NOTCH1: variants seen among roughly 807,000 people sequenced by gnomAD.
NOTCH1 encodes notch receptor 1.
Under a neutral mutation model 254.8 loss-of-function variants are expected in NOTCH1, and 37 were observed. The observed-to-expected ratio is 0.15, with a 90% CI of 0.11 to 0.19. The LOEUF is 0.19. Among genes scored for constraint, NOTCH1 ranks in the 10% least tolerant of loss-of-function variants. The probability of loss-of-function intolerance (pLI) is 1.00; values close to 1 mark genes in which losing one functional copy is unlikely to be tolerated. For synonymous variants in NOTCH1, 1,731 were observed against 1,618.1 expected (o/e 1.07, Z -1.68); for missense variants, 2,972 against 3,708.6 (o/e 0.80, Z 5.16).
At position 136,511,200 on chromosome 9, in the gene NOTCH1, A is replaced by G. The variant is rs1589063066; in HGVS notation, c.2539T>C (p.Ser847Pro). The G allele has an allele frequency of 6.2e-7, 1 of 1,612,556 alleles. No homozygotes were observed. The stretch of plus-strand genomic sequence containing the variant: ...CAGGAGAAGCTCTCATAGTCCTCGG[A>G]TTGCCTGCACTCCCCGCCGTTTCTG... The part of the protein sequence containing the change: ...PCRNGGECRQ[S>P]EDYESFSCVC... Residue 847 changes from serine (S) to proline (P), a missense_variant, in exon 16 of 34, where the codon TCC becomes CCC. Physicochemically the swap from Ser to Pro is moderately conservative, Grantham distance 74. This residue lies in a region of NOTCH1 where 1,343 missense variants were observed against 1,557.0 expected (regional missense o/e 0.86). Coordinates refer to ENST00000651671, the MANE Select transcript of NOTCH1 (RefSeq NM_017617.5).
intron 2 of NOTCH1, among the ~76,000 whole-genome samples, chr9:136,537,464 G>A (rs1347035299): frequency 6.6e-6 from 1 of 152,152 alleles, no homozygotes; most frequent in Non-Finnish European, 1.5e-5. Context: ...GGGCAGTCAG[G>A]GCAGAGTGAC....
chr9:136,532,508 A>G (rs967615950), intron 2 of NOTCH1, among the ~76,000 whole-genome samples: 1 of 152,142 alleles, frequency 6.6e-6, no homozygotes, highest in Non-Finnish European at 1.5e-5. Flanking sequence ...GGGCCCCCAC[A>G]GCACCAGGAA....
Position 136,517,355 on chromosome 9 carries a change from G to A in NOTCH1, c.1472C>T (p.Thr491Ile), listed in dbSNP as rs755769408. The A allele has an allele frequency of 1.9e-6, 3 of 1,608,182 alleles. No homozygotes were observed. The highest frequency in any genetic ancestry group is 1.7e-4 in the Middle Eastern group (1 of 6,052). ...GCAGGGGCTGCTGGCACACTCGTCT[G>A]TGTTGACCTCGCAGTGCACACCCTC... ...GYEGVHCEVN[T>I]DECASSPCLH... The change falls in exon 9 of 34, where the codon ACA (threonine) becomes ATA (isoleucine). Residue 491 changes from threonine (T) to isoleucine (I), a missense_variant. Physicochemically the swap from Thr to Ile is moderately conservative, Grantham distance 89. This residue lies in a region of NOTCH1 where 128 missense variants were observed against 193.8 expected (regional missense o/e 0.66). Transcript: ENST00000651671.
At chr9:136,529,893 T>C (rs1044391354) in intron 2 of NOTCH1, among the ~76,000 whole-genome samples, 7 of 152,216 alleles carry the variant, frequency 4.6e-5, no homozygotes, top group African/African-American at 1.7e-4. Context: ...GGGGCTGCGA[T>C]GTGGGATGGC....
rs1842890197 is a variant in NOTCH1 at position 136,494,634 on chromosome 9, C to T, written c.*1437G>A. The T allele has an allele frequency of 7.5e-6, 3 of 398,722 alleles. No individual in the cohort carries two copies. Among genetic ancestry groups the T allele is most frequent in the Admixed American group, 8.8e-5 (2 of 22,712 alleles). The allele number at this position is 398,722 out of a possible 1,614,324, so 24.7% of individuals were successfully genotyped here. A position where few individuals can be genotyped will look rare whatever the true frequency, so the allele number is the denominator to read the frequency against. ...GCCCCCTGGGGATGGCACCACGCGG[C>T]CCCCGTAGAGCCGGGGGAGGCTGCC... On this transcript the variant is annotated 3_prime_UTR_variant, in exon 34 of 34. Transcript: ENST00000651671.
rs1162527050 is a variant in NOTCH1 at position 136,501,873 on chromosome 9, G to C, written c.5513C>G (p.Thr1838Arg). The C allele has an allele frequency of 6.2e-7, 1 of 1,612,282 alleles. No homozygotes were observed. The highest frequency in any genetic ancestry group is 1.3e-5 in the African/African-American group (1 of 74,908). Residue 1838 changes from threonine to arginine, a missense_variant, in exon 30 of 34, where the codon ACA (threonine) becomes AGA (arginine). Thr to Arg is a moderately conservative substitution (Grantham distance 71). Coordinates refer to ENST00000651671, the MANE Select transcript of NOTCH1 (RefSeq NM_017617.5). Reference protein sequence around the residue: ...PVVLPDLDDQTDHRQWTQQHL... With the variant: ...PVVLPDLDDQRDHRQWTQQHL... Reference sequence around the variant, plus strand: ...CTGCTGAGTCCACTGCCGGTGGTCTGTCTGGTCGTCCAGGTCAGGCAGAAC... The same window carrying C: ...CTGCTGAGTCCACTGCCGGTGGTCTCTCTGGTCGTCCAGGTCAGGCAGAAC...
intron 16 of NOTCH1, 87 bp downstream of exon 16, chr9:136,511,065 C>CTCA: frequency 6.3e-7 from 1 of 1,594,020 alleles, no homozygotes; most frequent in South Asian, 1.1e-5. Context: ...TCTTCAAAGA[C>CTCA]TCATCTAGCC....
In NOTCH1 at chr9:136,500,769, GCGTCCTCCT is replaced by G. The variant is rs752217257; in HGVS notation, c.5708_5716del (p.Glu1903_Asp1905del). On this transcript the variant is annotated inframe_deletion, in exon 31 of 34. Transcript: ENST00000651671. ...GATGAAGTCGGAGATGACGGCCGGC[GCGTCCTCCT>G]CTTCCTCGCTGTTGCCCGTCTCCAG... is the stretch of plus-strand genomic sequence containing the variant. The G allele has an allele frequency of 6.2e-7, 1 of 1,603,602 alleles. No individual in the cohort carries two copies.
At chr9:136,514,742 A>AG (rs750359076) in intron 12 of NOTCH1, 40 bp from the exon 13 acceptor site, 16 of 1,593,818 alleles carry the variant, frequency 1.0e-5, no homozygotes, top group Middle Eastern at 1.7e-4. Context: ...CCCAGCGCCC[A>AG]GGGGGTCCCA....
rs952471507 is a variant in NOTCH1 at position 136,507,933 on chromosome 9, T to C, written c.3510+22A>G. On this transcript the variant is annotated intron_variant, in intron 21 of 33. Transcript: ENST00000651671. ...GCAACACTCGTGCCGGCCACAACCCTTACCCTAGGAGGGACCCCCACCTTG... is the reference window on the plus strand; with the variant it reads ...GCAACACTCGTGCCGGCCACAACCCCTACCCTAGGAGGGACCCCCACCTTG... 5 of 1,611,262 alleles carry C rather than the reference T, an allele frequency of 3.1e-6. No individual in the cohort carries two copies. The Admixed American group carries it at 8.3e-5, about 27-fold the overall frequency.
intron 2 of NOTCH1, among the ~76,000 whole-genome samples, chr9:136,532,858 G>C (rs915057544): frequency 6.6e-6 from 1 of 152,214 alleles, no homozygotes; most frequent in Non-Finnish European, 1.5e-5. Flanking sequence ...GGAAGGTCTC[G>C]TGGGGGTGGC....
chr9:136,531,772 C>T (rs1034694681), intron 2 of NOTCH1, among the ~76,000 whole-genome samples: 23 of 152,348 alleles, frequency 1.5e-4, no homozygotes, highest in African/African-American at 3.8e-4. Flanking sequence ...CGCCTCCTCC[C>T]GCCTGTCCCG....
intron 2 of NOTCH1, among the ~76,000 whole-genome samples, chr9:136,524,909 T>G (rs1287806560): frequency 6.6e-6 from 1 of 152,162 alleles, no homozygotes; most frequent in African/African-American, 2.4e-5. Context: ...GTGCTGGGAT[T>G]ACAGGCGTAA....
At position 136,519,542 on chromosome 9, in the gene NOTCH1, C is replaced by T. The variant is rs1843333824; in HGVS notation, c.766G>A (p.Glu256Lys). ...LPGFTGQNCE[E>K]NIDDCPGNNC... ...TTTCCTGGACAATCGTCGATATTTTCCTCACAGTTCTGGCCGGTGAAGCCT... is the reference window on the plus strand; with the variant it reads ...TTTCCTGGACAATCGTCGATATTTTTCTCACAGTTCTGGCCGGTGAAGCCT... Residue 256 changes from glutamate to lysine, a missense_variant, in exon 5 of 34, where the codon GAA becomes AAA. Glu to Lys is a moderately conservative substitution (Grantham distance 56). Around this residue, in one of 8 missense-constraint regions of NOTCH1, gnomAD observed 374 missense variants for 496.3 expected, o/e 0.75. Coordinates refer to ENST00000651671, the MANE Select transcript of NOTCH1 (RefSeq NM_017617.5). 1 of 1,612,928 alleles carries T rather than the reference C, an allele frequency of 6.2e-7. No individual in the cohort carries two copies. The highest frequency in any genetic ancestry group is 8.5e-7 in the Non-Finnish European group (1 of 1,179,944).
rs2133314534 is a variant in NOTCH1, at chr9:136,496,249, G to A, written c.7490C>T (p.Thr2497Ile). Residue 2497 changes from threonine to isoleucine, a missense_variant, in exon 34 of 34, where the codon ACC (threonine) becomes ATC (isoleucine). Thr to Ile is a moderately conservative substitution (Grantham distance 89). This residue lies in a region of NOTCH1 where 85 missense variants were observed against 126.1 expected (regional missense o/e 0.67). Transcript: ENST00000651671. ...QHSYSSPVDN[T>I]PSHQLQVPEH... is the part of the protein sequence containing the mutation. ...AGGCACCTGTAGCTGGTGGCTGGGG[G>A]TGTTGTCCACAGGCGAGGAGTAGCT... 1 of 1,604,628 alleles carries A rather than the reference G, an allele frequency of 6.2e-7. No individual in the cohort carries two copies. Among genetic ancestry groups the A allele is most frequent in the Non-Finnish European group, 8.5e-7 (1 of 1,175,168 alleles).
chr9:136,499,359 G>C, intron 31 of NOTCH1, 100 bp from the exon 32 acceptor site: 1 of 1,501,362 alleles, frequency 6.7e-7, no homozygotes, highest in South Asian at 1.2e-5. Flanking sequence ...CTGTCTTCCG[G>C]ACACAGACGA....
intron 1 of NOTCH1, 36 bp from the exon 2 acceptor site, chr9:136,544,138 C>T: frequency 6.5e-7 from 1 of 1,536,610 alleles, no homozygotes; most frequent in Non-Finnish European, 8.8e-7. Context: ...TCAGTCTCAC[C>T]CGCACCACCA....
In NOTCH1 at chr9:136,517,832, T is replaced by C. The variant is rs1248809872; in HGVS notation, c.1361A>G (p.Asn454Ser). The C allele has an allele frequency of 1.9e-6, 3 of 1,612,706 alleles. No homozygotes were observed. The highest frequency in any genetic ancestry group is 2.5e-6 in the Non-Finnish European group (3 of 1,179,938). ...YTGPRCEIDV[N>S]ECVSNPCQND... ...CTGGCACGGGTTCGAGACGCACTCG[T>C]TGACGTCGATCTCGCATCGGGGGCC... Residue 454 changes from asparagine to serine, a missense_variant, in exon 8 of 34, where the codon AAC becomes AGC. Physicochemically the swap from Asn to Ser is conservative, Grantham distance 46. This residue lies in a region of NOTCH1 where 90 missense variants were observed against 183.6 expected (regional missense o/e 0.49). Coordinates refer to ENST00000651671, the MANE Select transcript of NOTCH1 (RefSeq NM_017617.5).
intron 12 of NOTCH1, 44 bp from the exon 13 acceptor site, chr9:136,514,746 G>C (rs748682403): frequency 1.6e-5 from 26 of 1,587,626 alleles, no homozygotes; most frequent in Non-Finnish European, 2.1e-5. Context: ...GCGCCCAGGG[G>C]GTCCCACCCA....
Sources: gnomAD v4.1 joint callset for allele counts (sites outside exome capture counted in the v4.1 genomes callset) on GRCh38, gnomAD v4.1.1 for gene constraint, gnomAD v4.1.1 regional missense constraint, MANE v1.5 for transcripts, NCBI Gene and HGNC (gene_info 2026-07-23, HGNC 2026-07-21) for gene names.